The following NPFFR2 variants were observed in gnomAD, a reference collection of about 807,000 sequenced individuals.
NPFFR2 encodes the protein neuropeptide FF receptor 2, also known as G-protein coupled receptor 74.
Under a neutral mutation model 13.1 loss-of-function variants are expected in NPFFR2, and 15 were observed. That is an observed-to-expected ratio of 1.15 (90% CI 0.77 to 1.76). The LOEUF (loss-of-function observed/expected upper bound fraction) is 1.76. Ranked by LOEUF, NPFFR2 falls within the 40% of genes most tolerant of loss-of-function variation. NPFFR2 has a pLI of 0.00. For missense variants in NPFFR2, 572 were observed against 503.5 expected (o/e 1.14, Z -1.30); for synonymous variants, 190 against 175.7 (o/e 1.08, Z -0.65).
intron 1 of NPFFR2, among the ~76,000 whole-genome samples, chr4:72,123,319 C>T (rs1259608916): frequency 6.6e-6 from 1 of 152,124 alleles, no homozygotes; most frequent in Non-Finnish European, 1.5e-5. Flanking sequence ...GATTCACAGC[C>T]GAATTCTACC....
At chr4:72,118,995 T>C (rs1329184916) in intron 1 of NPFFR2, among the ~76,000 whole-genome samples, 3 of 152,162 alleles carry the variant, frequency 2.0e-5, no homozygotes, top group African/African-American at 7.2e-5. Context: ...AGTTAATGAC[T>C]TCTGACATGA....
intron 3 of NPFFR2, among the ~76,000 whole-genome samples, chr4:72,141,350 T>G (rs1226324503): frequency 1.3e-5 from 2 of 152,198 alleles, no homozygotes; most frequent in Admixed American, 6.5e-5. Flanking sequence ...AATTGTGATG[T>G]TAGGGTGTGG....
At chr4:72,103,361 A>C (rs575382316) in intron 1 of NPFFR2, among the ~76,000 whole-genome samples, 1 of 152,246 alleles carries the variant, frequency 6.6e-6, no homozygotes, top group South Asian at 2.1e-4. Context: ...ATGGCTGTCA[A>C]AAGAGGATTT....
rs149970964 is a variant in NPFFR2 at position 72,082,002 on chromosome 4, C to A, written c.-7-46583C>A. 2.4e-4 allele frequency among the ~76,000 whole-genome samples: 37 copies of A among 152,242 alleles called. No homozygotes were observed. In the East Asian group the frequency reaches 7.0e-3, roughly 29 times the overall value. On this transcript the variant is annotated intron_variant, in intron 1 of 3. Transcript: ENST00000308744. ...ACACAGGGATATTCTAAGATCAAGCCTTGTCAGGGAGTGGGATGAGGGTTG... is the reference window on the plus strand; with the variant it reads ...ACACAGGGATATTCTAAGATCAAGCATTGTCAGGGAGTGGGATGAGGGTTG...
chr4:72,126,748 G>A (rs971929454), intron 1 of NPFFR2, among the ~76,000 whole-genome samples: 1 of 152,084 alleles, frequency 6.6e-6, no homozygotes, highest in Non-Finnish European at 1.5e-5. Context: ...GAGCTTCTCT[G>A]GTTGACAATA....
chr4:72,036,056 C>A (rs1468657333), intron 1 of NPFFR2, among the ~76,000 whole-genome samples: 1 of 152,180 alleles, frequency 6.6e-6, no homozygotes, highest in Non-Finnish European at 1.5e-5. Context: ...TTTCCCAAAG[C>A]CAAACGAGAT....
intron 1 of NPFFR2, among the ~76,000 whole-genome samples, chr4:72,039,688 G>A (rs760581551): frequency 7.9e-5 from 12 of 152,052 alleles, no homozygotes; most frequent in Non-Finnish European, 1.3e-4. Flanking sequence ...TGTTTCCAGA[G>A]GTTTCTATCT....
intron 1 of NPFFR2, among the ~76,000 whole-genome samples, chr4:72,072,494 T>C (rs1046661998): frequency 1.3e-5 from 2 of 152,062 alleles, no homozygotes; most frequent in Non-Finnish European, 2.9e-5. Context: ...AACTTGAAGA[T>C]AGGACCATAG....
rs370090694 is a variant in NPFFR2 at position 72,047,568 on chromosome 4, C to G, written c.-8+15368C>G. Among the ~76,000 whole-genome samples, 127 of 152,232 alleles carry G rather than the reference C, an allele frequency of 8.3e-4. 2 individuals are homozygous for G. In the South Asian group the frequency reaches 0.018, roughly 22 times the overall value. On this transcript the variant is annotated intron_variant, in intron 1 of 3. Transcript: ENST00000308744. ...TAGCTCTCCCTGATCTACTTTGCCC[C>G]ACTGCCCAGGTTTCCCAAATCACAG...
chr4:72,135,432 T>C (rs1379191889), intron 2 of NPFFR2, among the ~76,000 whole-genome samples: 3 of 152,058 alleles, frequency 2.0e-5, no homozygotes, highest in Admixed American at 6.5e-5. Context: ...CTTTTTACTT[T>C]AATTTTTTGC....
At position 72,138,151 on chromosome 4, in the gene NPFFR2, C is replaced by T; in HGVS notation, c.428+12C>T. 1 of 1,592,824 alleles carries T rather than the reference C, an allele frequency of 6.3e-7. No individual in the cohort carries two copies. On this transcript the variant is annotated intron_variant, in intron 3 of 3. Transcript: ENST00000308744. ...ATTGCTGTAGATAGGTAAGTCTGCA[C>T]CAAACTCTGAATCCAGAAAAATTGG...
At chr4:72,143,241 C>T (rs914422798) in intron 3 of NPFFR2, among the ~76,000 whole-genome samples, 8 of 152,144 alleles carry the variant, frequency 5.3e-5, no homozygotes, top group Non-Finnish European at 5.9e-5. Flanking sequence ...GAAATTGACT[C>T]ATAATTATGA....
chr4:72,067,835 C>G (rs1414604489), intron 1 of NPFFR2, among the ~76,000 whole-genome samples: 1 of 152,070 alleles, frequency 6.6e-6, no homozygotes, highest in Non-Finnish European at 1.5e-5. Flanking sequence ...TTTCCAATAC[C>G]TTGTTTCTTA....
chr4:72,067,376 T>C (rs1235050281), intron 1 of NPFFR2, among the ~76,000 whole-genome samples: 3 of 152,182 alleles, frequency 2.0e-5, no homozygotes, highest in African/African-American at 7.2e-5. Context: ...TTTTCTGTTC[T>C]CAAGGCCTAG....
At chr4:72,097,125 A>G (rs908351466) in intron 1 of NPFFR2, among the ~76,000 whole-genome samples, 1 of 152,004 alleles carries the variant, frequency 6.6e-6, no homozygotes, top group African/African-American at 2.4e-5. Context: ...TACTTACCAC[A>G]TATCTTTCTA....
At chr4:72,088,014 T>C (rs191100009) in intron 1 of NPFFR2, among the ~76,000 whole-genome samples, 10 of 152,086 alleles carry the variant, frequency 6.6e-5, no homozygotes, top group African/African-American at 2.2e-4. Context: ...GAGAATTTAG[T>C]GAGAGCCAGA....
intron 1 of NPFFR2, among the ~76,000 whole-genome samples, chr4:72,073,767 C>T (rs569334533): frequency 6.6e-6 from 1 of 151,830 alleles, no homozygotes; most frequent in Non-Finnish European, 1.5e-5. Context: ...GTTAAAGGTG[C>T]AGAATTTTTA....
At chr4:72,087,373 C>A (rs1265008121) in intron 1 of NPFFR2, among the ~76,000 whole-genome samples, 1 of 152,066 alleles carries the variant, frequency 6.6e-6, no homozygotes, top group Admixed American at 6.6e-5. Flanking sequence ...TTCCATGGCT[C>A]CTACTGTTTC....
chr4:72,085,642 G>A (rs1720745777), intron 1 of NPFFR2, among the ~76,000 whole-genome samples: 1 of 152,032 alleles, frequency 6.6e-6, no homozygotes, highest in Admixed American at 6.6e-5. Context: ...GATTAAGGAG[G>A]ACAACTAAAT....
Sources: allele counts gnomAD v4.1 joint callset (sites outside exome capture counted in the v4.1 genomes callset), GRCh38; gene constraint gnomAD v4.1.1; transcripts MANE v1.5; gene names NCBI Gene and HGNC (gene_info 2026-07-23, HGNC 2026-07-21).